Variants in LAMA4 observed in about 807,000 individuals in gnomAD.
The protein encoded by LAMA4 is laminin subunit alpha-4.
A neutral mutation model predicts 207.1 loss-of-function variants in LAMA4; 127 were observed. That is an observed-to-expected ratio of 0.61 (90% confidence interval 0.53 to 0.71). LAMA4 has a LOEUF of 0.71. Ranked by LOEUF, LAMA4 falls within the 30% of genes least tolerant of loss-of-function variation. The pLI, the probability that LAMA4 is intolerant of heterozygous loss-of-function variation, is 0.00. For missense variants in LAMA4, 2,093 were observed against 2,246.5 expected (o/e 0.93, Z 1.38); for synonymous variants, 761 against 816.0 (o/e 0.93, Z 1.15).
intron 2 of LAMA4, among the ~76,000 whole-genome samples, chr6:112,230,634 G>A (rs1391122144): frequency 6.6e-6 from 1 of 152,110 alleles, no homozygotes; most frequent in South Asian, 2.1e-4. Flanking sequence ...GTTTTAACTG[G>A]TTCTCCTGAG....
intron 2 of LAMA4, among the ~76,000 whole-genome samples, chr6:112,238,813 G>A (rs1201226512): frequency 2.0e-5 from 3 of 152,028 alleles, no homozygotes; most frequent in African/African-American, 2.4e-5. Flanking sequence ...GTTAAAACAG[G>A]GCAATTACAC....
At chr6:112,141,780 T>TA (rs1158482661) in intron 20 of LAMA4, among the ~76,000 whole-genome samples, 1 of 152,164 alleles carries the variant, frequency 6.6e-6, no homozygotes, top group Non-Finnish European at 1.5e-5. Context: ...AGGAATATAA[T>TA]ACAGCCTGAC....
In LAMA4 at chr6:112,253,994, G is replaced by A. The variant is rs782656592; in HGVS notation, c.157C>T (p.Pro53Ser). ...GGCAGGCGTCCCAGAGCCACGCGGG[G>A]TTCGCTCGTCTCAGGCGGGTCTTGC... ...GRQDPPETSE[P>S]RVALGRLPPA... is the part of the protein sequence containing the mutation. The change falls in exon 2 of 39, where the codon CCC (proline) becomes TCC (serine). Residue 53 changes from proline to serine, a missense_variant. Coordinates refer to ENST00000230538, the MANE Select transcript of LAMA4 (RefSeq NM_001105206.3). 14 of 1,586,332 alleles carry A rather than the reference G, an allele frequency of 8.8e-6. No individual in the cohort carries two copies. The highest frequency in any genetic ancestry group is 1.7e-4 in the Middle Eastern group (1 of 6,026).
intron 31 of LAMA4, among the ~76,000 whole-genome samples, chr6:112,127,015 A>C (rs1415166586): frequency 2.6e-5 from 4 of 152,302 alleles, no homozygotes; most frequent in Non-Finnish European, 5.9e-5. Flanking sequence ...TATTCACTGA[A>C]TCTTAACTAT....
rs782311962 is a variant in LAMA4 at position 112,120,436 on chromosome 6, G to T, written c.4512C>A (p.Ser1504=). The part of the protein sequence containing the change: ...QFSIRLRTRS[S]HGMIFYVSDQ... ...CTGAGACATAGAAGATCATGCCATG[G>T]GAGGAACGAGTTCTCAGACGAATGG... The change falls in exon 33 of 39, where the codon TCC becomes TCA. Residue 1504 remains serine, a synonymous_variant. Coordinates refer to ENST00000230538, the MANE Select transcript of LAMA4 (RefSeq NM_001105206.3). 6.2e-7 allele frequency: 1 copy of T among 1,613,920 alleles called. No homozygotes were observed. The highest frequency in any genetic ancestry group is 2.2e-5 in the East Asian group (1 of 44,860).
intron 19 of LAMA4, 146 bp from the exon 20 acceptor site, chr6:112,142,438 G>A (rs1779756516): frequency 1.3e-6 from 1 of 791,850 alleles, no homozygotes; most frequent in Non-Finnish European, 2.2e-6. Context: ...CCTAGTTGAA[G>A]AGAAGACTTA....
chr6:112,212,247 AG>A, intron 3 of LAMA4, among the ~76,000 whole-genome samples: 1 of 148,882 alleles, frequency 6.7e-6, no homozygotes, highest in East Asian at 2.0e-4. Context: ...TTTTTTTAAC[AG>A]AGTCTTGCTC....
chr6:112,239,873 C>T (rs1228111649), intron 2 of LAMA4, among the ~76,000 whole-genome samples: 2 of 152,014 alleles, frequency 1.3e-5, no homozygotes, highest in Non-Finnish European at 2.9e-5. Flanking sequence ...AACACCCTGG[C>T]TAACACAGTG....
At chr6:112,208,061 A>T (rs1293346036) in intron 3 of LAMA4, among the ~76,000 whole-genome samples, 2 of 152,204 alleles carry the variant, frequency 1.3e-5, no homozygotes, top group African/African-American at 4.8e-5. Context: ...GCTTTCTTCT[A>T]TGGGACTATA....
chr6:112,151,713 T>C (rs1344721664), intron 16 of LAMA4, among the ~76,000 whole-genome samples: 4 of 152,160 alleles, frequency 2.6e-5, no homozygotes, highest in Non-Finnish European at 5.9e-5. Flanking sequence ...ATTGGTAATG[T>C]AGGGTGTCCT....
chr6:112,165,046 T>C (rs1349373406), intron 13 of LAMA4, 114 bp downstream of exon 13: 2 of 771,362 alleles, frequency 2.6e-6, no homozygotes, highest in Non-Finnish European at 4.8e-6. Context: ...AGTCATCTGA[T>C]CTTTATAATG....
In LAMA4 at chr6:112,114,138, AC is replaced by A. The variant is rs1554322397; in HGVS notation, c.5263del (p.Val1755LeufsTer4). The A allele has an allele frequency of 6.2e-7, 1 of 1,613,914 alleles. No homozygotes were observed. Among genetic ancestry groups the A allele is most frequent in the South Asian group, 1.1e-5 (1 of 91,074 alleles). ...AATTGGTTTTGGATTCAGGGGTCCAACCACATGGTTCACTTCAGAGTCCACA... is the reference window on the plus strand; with the variant it reads ...AATTGGTTTTGGATTCAGGGGTCCAACACATGGTTCACTTCAGAGTCCACA... ...LDVDSEVNHV[V>X]GPLNPKPIDH... On this transcript the variant is annotated frameshift_variant, in exon 38 of 39. Transcript: ENST00000230538. LOFTEE classifies it high-confidence loss of function.
chr6:112,185,413 C>G, intron 8 of LAMA4, 66 bp from the exon 9 acceptor site: 1 of 941,826 alleles, frequency 1.1e-6, no homozygotes, highest in Non-Finnish European at 1.8e-6. Context: ...GTACATAAAA[C>G]TCTTTCAGTG....
intron 19 of LAMA4, among the ~76,000 whole-genome samples, chr6:112,143,284 CTTTTTTTT>C (rs61620762): frequency 8.0e-6 from 1 of 124,886 alleles, no homozygotes; most frequent in Non-Finnish European, 1.7e-5. Flanking sequence ...AAAACTAATA[CTTTTTTTT>C]TTTTTTTTTT....
chr6:112,131,019 T>G lies in LAMA4; in HGVS notation c.3917A>C (p.Gln1306Pro), dbSNP rs1554329570. ...KGIKVQSVDK[Q>P]YNDGLSHFVI... ...GAAGTGGGACAGCCCATCATTGTAC[T>G]GCTTATCTACTGACTGAACTTTGAT... is the stretch of plus-strand genomic sequence containing the variant. Residue 1306 changes from glutamine to proline, a missense_variant, in exon 29 of 39, where the codon CAG becomes CCG. Physicochemically the swap from Gln to Pro is moderately conservative, Grantham distance 76 (BLOSUM62 -1). Around this residue, in one of 3 missense-constraint regions of LAMA4, gnomAD observed 1,704 missense variants for 1,788.4 expected, o/e 0.95. Transcript: ENST00000230538. 3.7e-6 allele frequency: 6 copies of G among 1,613,124 alleles called. No homozygotes were observed. Among genetic ancestry groups the G allele is most frequent in the Non-Finnish European group, 5.1e-6 (6 of 1,179,200 alleles).
chr6:112,219,646 A>T (rs1458992284), intron 2 of LAMA4: 7 of 152,160 alleles, frequency 4.6e-5, no homozygotes, highest in Admixed American at 4.6e-4. Flanking sequence ...ACTGATCCAA[A>T]TCTTGTTCTT....
intron 13 of LAMA4, 151 bp from the exon 14 acceptor site, chr6:112,159,031 T>C (rs1409684557): frequency 1.7e-5 from 11 of 634,726 alleles, no homozygotes; most frequent in African/African-American, 1.5e-4. Context: ...TGTAAGTATA[T>C]GTCTATTTAT....
Position 112,139,281 on chromosome 6 carries a change from C to A in LAMA4, c.3121G>T (p.Ala1041Ser), listed in dbSNP as rs782048946. Residue 1041 changes from alanine (A) to serine (S), a missense_variant, in exon 24 of 39, where the codon GCC becomes TCC. Around this residue, in one of 3 missense-constraint regions of LAMA4, gnomAD observed 1,704 missense variants for 1,788.4 expected, o/e 0.95. Coordinates refer to ENST00000230538, the MANE Select transcript of LAMA4 (RefSeq NM_001105206.3). ...TSVPCARDKL[A>S]FTQSRAASYF... The stretch of plus-strand genomic sequence containing the variant: ...CTGGCAGCCCGACTCTGAGTGAAGG[C>A]CAGCTTATCTCTGAAATGGAAACAC... 5 of 1,614,114 alleles carry A rather than the reference C, an allele frequency of 3.1e-6. No individual in the cohort carries two copies. Among genetic ancestry groups the A allele is most frequent in the Non-Finnish European group, 4.2e-6 (5 of 1,179,974 alleles).
Position 112,178,236 on chromosome 6 carries a change from C to A in LAMA4, c.1078-4G>T. Reference sequence around the variant, plus strand: ...CTTTTCTGGAGGCTTGATTTTCCTACAAATAATCCGTATAAAGGCTAGATT... The same window carrying A: ...CTTTTCTGGAGGCTTGATTTTCCTAAAAATAATCCGTATAAAGGCTAGATT... On this transcript the variant is annotated splice_region_variant and splice_polypyrimidine_tract_variant and intron_variant, in intron 9 of 38. Transcript: ENST00000230538. 1 of 1,600,632 alleles carries A rather than the reference C, an allele frequency of 6.2e-7. No homozygotes were observed. Among genetic ancestry groups the A allele is most frequent in the Admixed American group, 1.7e-5 (1 of 59,962 alleles).
Sources: gnomAD v4.1 joint callset for allele counts (sites outside exome capture counted in the v4.1 genomes callset) on GRCh38, gnomAD v4.1.1 for gene constraint, gnomAD v4.1.1 regional missense constraint, MANE v1.5 for transcripts, NCBI Gene and HGNC (gene_info 2026-07-23, HGNC 2026-07-21) for gene names.